CRB1: variants seen among roughly 807,000 people sequenced by gnomAD.
CRB1 encodes the protein protein crumbs homolog 1.
A neutral mutation model predicts 120.0 loss-of-function variants in CRB1; 83 were observed. That is an observed-to-expected ratio of 0.69 (90% CI 0.58 to 0.83). The LOEUF (loss-of-function observed/expected upper bound fraction) is 0.83, where lower values mean the gene tolerates loss of function less well. CRB1 is among the 40% of genes least tolerant of loss of function. The pLI is 0.00. For synonymous variants in CRB1, 625 were observed against 612.5 expected, an observed-to-expected ratio of 1.02 and a Z score of -0.30; for missense variants, 1,699 against 1,687.6, an observed-to-expected ratio of 1.01 and a Z score of -0.12.
chr1:197,280,317 A>G (rs1236875515), intron 1 of CRB1, among the ~76,000 whole-genome samples: 1 of 151,914 alleles, frequency 6.6e-6, no homozygotes, highest in Non-Finnish European at 1.5e-5. Context: ...GATGCAGTGA[A>G]AAGATCGTCA....
the CRB1 span, among the ~76,000 whole-genome samples, chr1:197,254,953 A>G: frequency 1.3e-5 from 2 of 152,060 alleles, no homozygotes; most frequent in South Asian, 4.1e-4. Flanking sequence ...ATGTGCCACC[A>G]TGTACAGTGA....
intron 4 of CRB1, among the ~76,000 whole-genome samples, chr1:197,353,781 A>G (rs562709683): frequency 6.7e-6 from 1 of 148,422 alleles, no homozygotes; most frequent in African/African-American, 2.5e-5. Flanking sequence ...ACCCTGGGCT[A>G]CAGAGTGAGA....
chr1:197,398,208 G>C (rs2125426972), intron 5 of CRB1, among the ~76,000 whole-genome samples: 1 of 152,166 alleles, frequency 6.6e-6, no homozygotes. Flanking sequence ...CTTCCACAAT[G>C]CTGCTCTCTC....
intron 5 of CRB1, among the ~76,000 whole-genome samples, chr1:197,418,635 T>C (rs1161554551): frequency 6.6e-6 from 1 of 152,212 alleles, no homozygotes; most frequent in Admixed American, 6.5e-5. Context: ...TTCATACGTT[T>C]GTCTAAAAGT....
the CRB1 span, among the ~76,000 whole-genome samples, chr1:197,248,910 A>G: frequency 6.6e-6 from 1 of 151,940 alleles, no homozygotes; most frequent in Non-Finnish European, 1.5e-5. Context: ...TAACTTCAAA[A>G]TAAATACTAC....
intron 5 of CRB1, 154 bp downstream of exon 5, chr1:197,357,167 T>C: frequency 1.3e-6 from 1 of 749,602 alleles, no homozygotes; most frequent in Non-Finnish European, 2.4e-6. Context: ...AAAAGTATCT[T>C]GTTTCACATT....
chr1:197,386,716 G>A (rs1662235149), intron 5 of CRB1, among the ~76,000 whole-genome samples: 1 of 152,084 alleles, frequency 6.6e-6, no homozygotes, highest in Non-Finnish European at 1.5e-5. Context: ...AATCTAAGAA[G>A]GGGAGAATAT....
At chr1:197,238,376 TC>T in the CRB1 span, among the ~76,000 whole-genome samples, 2 of 152,356 alleles carry the variant, frequency 1.3e-5, no homozygotes, top group Admixed American at 1.3e-4. Context: ...TATATAGGTA[TC>T]ATTATGCTTA....
At position 197,268,366 on chromosome 1, in the gene CRB1, G is replaced by A; in HGVS notation, c.-47G>A. 1.4e-6 allele frequency: 2 copies of A among 1,433,736 alleles called. No homozygotes were observed. Among genetic ancestry groups the A allele is most frequent in the South Asian group, 1.1e-5 (1 of 87,324 alleles). The allele number at this position is 1,433,736 out of a possible 1,614,324, so 88.8% of individuals were successfully genotyped here. A position where few individuals can be genotyped will look rare whatever the true frequency, so the allele number is the denominator to read the frequency against. On this transcript the variant is annotated 5_prime_UTR_variant, in exon 1 of 12. Coordinates refer to ENST00000367400, the MANE Select transcript of CRB1 (RefSeq NM_201253.3). ...AGACAGGGATCAGGAGCCGGACTGG[G>A]ACCAGACCACCAGCAACACACCAGA...
intron 11 of CRB1, among the ~76,000 whole-genome samples, chr1:197,463,525 T>C (rs1361628736): frequency 6.6e-6 from 1 of 152,150 alleles, no homozygotes; most frequent in Non-Finnish European, 1.5e-5. Context: ...GTTGAAATTA[T>C]GGGGTAGATT....
chr1:197,280,561 A>G (rs1052736459), intron 1 of CRB1, among the ~76,000 whole-genome samples: 9 of 151,928 alleles, frequency 5.9e-5, no homozygotes, highest in African/African-American at 2.2e-4. Context: ...AAATCCAGAT[A>G]TCATACCAAA....
chr1:197,416,740 C>T (rs1423361076), intron 5 of CRB1, among the ~76,000 whole-genome samples: 5 of 152,030 alleles, frequency 3.3e-5, no homozygotes, highest in Admixed American at 6.5e-5. Flanking sequence ...GACAGAGTCT[C>T]GCTCTGTTGC....
chr1:197,250,688 TGCCATTA>T, the CRB1 span, among the ~76,000 whole-genome samples: 2 of 152,148 alleles, frequency 1.3e-5, no homozygotes, highest in East Asian at 1.9e-4. Flanking sequence ...TTATAGTACC[TGCCATTA>T]GCTTTCCTGT....
upstream of CRB1, among the ~76,000 whole-genome samples, chr1:197,267,388 C>A (rs189007405): frequency 3.9e-5 from 6 of 152,204 alleles, no homozygotes; most frequent in Non-Finnish European, 7.4e-5. Context: ...ATTAAGCTGA[C>A]TGTCAAAATA....
intron 2 of CRB1, among the ~76,000 whole-genome samples, chr1:197,332,596 A>G (rs1658926095): frequency 1.3e-5 from 2 of 152,094 alleles, no homozygotes; most frequent in Admixed American, 1.3e-4. Flanking sequence ...TCTCCTACAC[A>G]AGTAGAATGG....
the CRB1 span, among the ~76,000 whole-genome samples, chr1:197,248,049 A>C: frequency 6.6e-6 from 1 of 152,054 alleles, no homozygotes; most frequent in Non-Finnish European, 1.5e-5. Flanking sequence ...AATACATTAA[A>C]TAAATCAAAA....
chr1:197,233,621 A>G, the CRB1 span, among the ~76,000 whole-genome samples: 1 of 152,334 alleles, frequency 6.6e-6, no homozygotes, highest in East Asian at 1.9e-4. Flanking sequence ...ATACTTGCCC[A>G]TTTACATCGA....
intron 1 of CRB1, among the ~76,000 whole-genome samples, chr1:197,325,541 T>C (rs1218198910): frequency 2.6e-5 from 4 of 152,162 alleles, no homozygotes; most frequent in Non-Finnish European, 4.4e-5. Flanking sequence ...AACTATAGAA[T>C]TAAAATTTAA....
At chr1:197,313,738 T>G (rs1019311214) in intron 1 of CRB1, among the ~76,000 whole-genome samples, 2 of 152,180 alleles carry the variant, frequency 1.3e-5, no homozygotes, top group African/African-American at 4.8e-5. Context: ...CTTAACATAA[T>G]GACCTCCAGT....
Sources: allele counts gnomAD v4.1 joint callset (sites outside exome capture counted in the v4.1 genomes callset), GRCh38; gene constraint gnomAD v4.1.1; transcripts MANE v1.5; gene names NCBI Gene and HGNC (gene_info 2026-07-23, HGNC 2026-07-21).